The following PDE1C variants were observed in gnomAD, a reference collection of about 807,000 sequenced individuals.
PDE1C encodes dual specificity calcium/calmodulin-dependent 3',5'-cyclic nucleotide phosphodiesterase 1C.
A neutral mutation model predicts 93.1 loss-of-function variants in PDE1C; 62 were observed. That is an observed-to-expected ratio of 0.67 (90% CI 0.54 to 0.82). The LOEUF is 0.82. Among genes scored for constraint, PDE1C ranks in the 40% least tolerant of loss-of-function variants. PDE1C has a pLI of 0.00. For synonymous variants in PDE1C, 325 were observed against 310.1 expected, an observed-to-expected ratio of 1.05 and a Z score of -0.50; for missense variants, 742 against 884.6, an observed-to-expected ratio of 0.84 and a Z score of 2.04.
At chr7:31,935,901 G>A (rs1253354355) in intron 2 of PDE1C, among the ~76,000 whole-genome samples, 1 of 152,100 alleles carries the variant, frequency 6.6e-6, no homozygotes, top group East Asian at 1.9e-4. Context: ...CACTGAGTGG[G>A]AACTGGGGAG....
intron 17 of PDE1C, among the ~76,000 whole-genome samples, chr7:31,757,621 G>T (rs1794549240): frequency 6.6e-6 from 1 of 152,128 alleles, no homozygotes; most frequent in African/African-American, 2.4e-5. Context: ...CAGTTAGAAT[G>T]GCGATCATTA....
At chr7:31,831,909 A>T (rs185999705) in intron 11 of PDE1C, among the ~76,000 whole-genome samples, 1 of 152,190 alleles carries the variant, frequency 6.6e-6, no homozygotes, top group African/African-American at 2.4e-5. Flanking sequence ...GGGAATACTC[A>T]TCAGATAAAT....
chr7:31,712,245 C>T, the PDE1C span, among the ~76,000 whole-genome samples: 1 of 151,994 alleles, frequency 6.6e-6, no homozygotes, highest in East Asian at 1.9e-4. Flanking sequence ...ATAGGGTTTA[C>T]CATGCTGTAG....
chr7:31,767,183 T>C (rs1978268), intron 17 of PDE1C, among the ~76,000 whole-genome samples: 23,230 of 152,214 alleles, frequency 0.15, 1,990 homozygotes, highest in Non-Finnish European at 0.18. Context: ...TGTCTTCCTT[T>C]AGCCTTCTAT....
intron 1 of PDE1C, among the ~76,000 whole-genome samples, chr7:32,405,162 C>T (rs1785026634): frequency 6.6e-6 from 1 of 152,166 alleles, no homozygotes; most frequent in African/African-American, 2.4e-5. Context: ...CAAACAACAG[C>T]AGACCTGCAG....
chr7:31,746,216 T>C (rs1794004476), downstream of PDE1C, among the ~76,000 whole-genome samples: 4 of 152,312 alleles, frequency 2.6e-5, no homozygotes, highest in South Asian at 8.3e-4. Flanking sequence ...TGGAGGGCTG[T>C]AATTCCTAAG....
intron 17 of PDE1C, among the ~76,000 whole-genome samples, chr7:31,756,474 G>T (rs569265305): frequency 6.6e-6 from 1 of 152,252 alleles, no homozygotes; most frequent in Non-Finnish European, 1.5e-5. Flanking sequence ...TCCAAGAAAA[G>T]TCTAAGGAAA....
chr7:32,144,784 TC>T (rs913926178), intron 3 of PDE1C, among the ~76,000 whole-genome samples: 6 of 152,316 alleles, frequency 3.9e-5, no homozygotes, highest in Non-Finnish European at 8.8e-5. Flanking sequence ...ATTTTATTCT[TC>T]GAGCTGCTGG....
intron 2 of PDE1C, among the ~76,000 whole-genome samples, chr7:32,194,667 T>G (rs558649512): frequency 6.6e-6 from 1 of 152,234 alleles, no homozygotes; most frequent in Non-Finnish European, 1.5e-5. Context: ...TATACAGTCA[T>G]ATTTGAAGTG....
chr7:31,746,432 C>T (rs763950195), downstream of PDE1C, among the ~76,000 whole-genome samples: 8 of 152,116 alleles, frequency 5.3e-5, no homozygotes, highest in Admixed American at 2.0e-4. Flanking sequence ...CACTCCAAGA[C>T]ACTCAGATGA....
chr7:32,112,079 C>T (rs1400790573), intron 3 of PDE1C, among the ~76,000 whole-genome samples: 1 of 152,188 alleles, frequency 6.6e-6, no homozygotes, highest in Admixed American at 6.5e-5. Context: ...TCTAAACACA[C>T]TGAGAATCAT....
At chr7:31,692,995 T>A in the PDE1C span, among the ~76,000 whole-genome samples, 6 of 152,148 alleles carry the variant, frequency 3.9e-5, no homozygotes, top group East Asian at 5.8e-4. Context: ...CAGAACTGAC[T>A]TTTTGCATAA....
intron 3 of PDE1C, among the ~76,000 whole-genome samples, chr7:32,087,746 C>T (rs1797194238): frequency 2.6e-5 from 4 of 151,074 alleles, no homozygotes; most frequent in African/African-American, 9.8e-5. Flanking sequence ...TAAACTATCA[C>T]AAGGACAGAA....
chr7:32,049,929 A>G (rs1282576544), intron 2 of PDE1C, among the ~76,000 whole-genome samples: 1 of 152,226 alleles, frequency 6.6e-6, no homozygotes, highest in East Asian at 1.9e-4. Context: ...TGTGAAAATC[A>G]TTAAGTGTAC....
chr7:31,969,931 G>A (rs946590254), intron 2 of PDE1C, among the ~76,000 whole-genome samples: 2 of 151,984 alleles, frequency 1.3e-5, no homozygotes, highest in African/African-American at 4.8e-5. Context: ...TCATAGGTGG[G>A]AATTGAACAA....
At chr7:32,052,355 T>A (rs1228615930) in intron 1 of PDE1C, 3 of 472,564 alleles carry the variant, frequency 6.3e-6, no homozygotes, top group East Asian at 6.0e-5. Context: ...GCTCTGACCA[T>A]CTCACCTAGG....
At chr7:32,424,814 T>A (rs1785497529) in intron 1 of PDE1C, among the ~76,000 whole-genome samples, 1 of 152,020 alleles carries the variant, frequency 6.6e-6, no homozygotes, top group South Asian at 2.1e-4. Flanking sequence ...GGTGACAGAC[T>A]AAGACCCTGT....
intron 1 of PDE1C, among the ~76,000 whole-genome samples, chr7:32,226,912 G>A (rs1474402929): frequency 2.6e-5 from 4 of 152,152 alleles, no homozygotes; most frequent in African/African-American, 9.7e-5. Flanking sequence ...TTTTTATGCC[G>A]CTACAGAAAA....
Position 31,879,150 on chromosome 7 carries a change from T to C in PDE1C, c.271A>G (p.Ser91Gly), listed in dbSNP as rs1160780622. ...RRLLDTEDEL[S>G]DIQSDAVPSE... is the part of the protein sequence containing the mutation. ...GGCACAGCATCTGACTGAATGTCAC[T>C]GAGCTCATCCTCTGTATCCAGGAGT... is the stretch of plus-strand genomic sequence containing the variant. Residue 91 changes from serine (S) to glycine (G), a missense_variant, in exon 4 of 18, where the codon AGT becomes GGT. Ser to Gly is a moderately conservative substitution (Grantham distance 56, BLOSUM62 0). This residue lies in a region of PDE1C where 9 missense variants were observed against 41.6 expected (regional missense o/e 0.22). Transcript: ENST00000396191. The C allele has an allele frequency of 1.2e-6, 2 of 1,613,898 alleles. No homozygotes were observed. Among genetic ancestry groups the C allele is most frequent in the Non-Finnish European group, 1.7e-6 (2 of 1,179,988 alleles).
Sources: allele counts gnomAD v4.1 joint callset (sites outside exome capture counted in the v4.1 genomes callset), GRCh38; gene constraint gnomAD v4.1.1; regional missense constraint gnomAD v4.1.1; transcripts MANE v1.5; gene names NCBI Gene and HGNC (gene_info 2026-07-23, HGNC 2026-07-21).